TRDMT1: variants seen among roughly 807,000 people sequenced by gnomAD.
TRDMT1 encodes tRNA (cytosine(38)-C(5))-methyltransferase.
A neutral mutation model predicts 51.2 loss-of-function variants in TRDMT1; 49 were observed. That is an observed-to-expected ratio of 0.96 (90% CI 0.76 to 1.21). The LOEUF is 1.21. Among genes scored for constraint, TRDMT1 ranks in the 50% most tolerant of loss-of-function variants. The pLI, the probability that TRDMT1 is intolerant of heterozygous loss-of-function variation, is 0.00. For missense variants in TRDMT1, 534 were observed against 462.3 expected, an observed-to-expected ratio of 1.16 and a Z score of -1.42; for synonymous variants, 187 against 164.6, an observed-to-expected ratio of 1.14 and a Z score of -1.04.
rs1837708723 is a variant in TRDMT1, at chr10:17,141,720, T to C, written c.*7320A>G. ...CTATCTTCTGTCATTTCCTCTCTACTACTGATCTCAAGTTTAGCAAAAGAT... is the reference window on the plus strand; with the variant it reads ...CTATCTTCTGTCATTTCCTCTCTACCACTGATCTCAAGTTTAGCAAAAGAT... On this transcript the variant is annotated 3_prime_UTR_variant, in exon 11 of 11. Coordinates refer to ENST00000377799, the MANE Select transcript of TRDMT1 (RefSeq NM_004412.7). Among the ~76,000 whole-genome samples the C allele has an allele frequency of 6.6e-6, 1 of 152,200 alleles. No homozygotes were observed. Among genetic ancestry groups the C allele is most frequent in the African/African-American group, 2.4e-5 (1 of 41,448 alleles).
chr10:17,137,781 C>T lies in TRDMT1; in HGVS notation c.*11259G>A, dbSNP rs891829731. Among the ~76,000 whole-genome samples, 3 of 151,042 alleles carry T rather than the reference C, an allele frequency of 2.0e-5. No individual in the cohort carries two copies. The highest frequency in any genetic ancestry group is 4.4e-5 in the Non-Finnish European group (3 of 67,862). ...CCCAGGAGGTGGAGGTTGCAGCAAG[C>T]CGAGAGCCACTGCACTCCAGCCTGG... On this transcript the variant is annotated 3_prime_UTR_variant, in exon 11 of 11. Coordinates refer to ENST00000377799, the MANE Select transcript of TRDMT1 (RefSeq NM_004412.7).
At chr10:17,192,530 A>T (rs1292465345) in intron 1 of TRDMT1, among the ~76,000 whole-genome samples, 1 of 152,178 alleles carries the variant, frequency 6.6e-6, no homozygotes, top group Non-Finnish European at 1.5e-5. Context: ...TGCCCATCAG[A>T]CATTTCCGGA....
rs138305368 is a variant in TRDMT1 at position 17,137,949 on chromosome 10, T to C, written c.*11091A>G. On this transcript the variant is annotated 3_prime_UTR_variant, in exon 11 of 11. Transcript: ENST00000377799. The stretch of plus-strand genomic sequence containing the variant: ...GCCTTAAGTGGCAGGTTAAAGAATG[T>C]TGATTTAATCTTTTTAATAGGGGGA... 1.2e-4 allele frequency among the ~76,000 whole-genome samples: 19 copies of C among 152,330 alleles called. No individual in the cohort carries two copies. In the East Asian group the frequency reaches 3.7e-3, roughly 29 times the overall value.
intron 8 of TRDMT1, among the ~76,000 whole-genome samples, chr10:17,155,288 T>C (rs1839352695): frequency 6.6e-6 from 1 of 152,210 alleles, no homozygotes; most frequent in South Asian, 2.1e-4. Flanking sequence ...TAAACACCAC[T>C]GAATGATGAA....
chr10:17,139,112 G>T lies in TRDMT1; in HGVS notation c.*9928C>A. 2 of 932,448 alleles carry T rather than the reference G, an allele frequency of 2.1e-6. No homozygotes were observed. Among genetic ancestry groups the T allele is most frequent in the Non-Finnish European group, 1.3e-6 (1 of 781,416 alleles). The allele number at this position is 932,448 out of a possible 1,614,324, so 57.8% of individuals were successfully genotyped here. A position where few individuals can be genotyped will look rare whatever the true frequency, so the allele number is the denominator to read the frequency against. On this transcript the variant is annotated 3_prime_UTR_variant, in exon 11 of 11. Transcript: ENST00000377799. The stretch of plus-strand genomic sequence containing the variant: ...GAATGGGGACTTCAGCAGCTCCATT[G>T]GATTAATCCAAGCTTGGTTTCCAAG...
At position 17,138,331 on chromosome 10, in the gene TRDMT1, G is replaced by A. The variant is rs904574182; in HGVS notation, c.*10709C>T. ...TTAATTCATTCTCTTTTTCAGGGAC[G>A]TAACATTGCTTAAAAGATACATTTA... On this transcript the variant is annotated 3_prime_UTR_variant, in exon 11 of 11. Transcript: ENST00000377799. Among the ~76,000 whole-genome samples the A allele has an allele frequency of 5.3e-5, 8 of 152,174 alleles. No homozygotes were observed. The South Asian group carries it at 6.2e-4, about 12-fold the overall frequency.
intron 1 of TRDMT1, among the ~76,000 whole-genome samples, chr10:17,196,360 G>C (rs1845429270): frequency 6.6e-6 from 1 of 152,180 alleles, no homozygotes; most frequent in African/African-American, 2.4e-5. Context: ...CATCCAGCTA[G>C]AGCTTTCCTT....
intron 10 of TRDMT1, 66 bp downstream of exon 10, chr10:17,153,441 C>G: frequency 1.9e-6 from 3 of 1,585,620 alleles, no homozygotes; most frequent in Non-Finnish European, 2.6e-6. Flanking sequence ...CCTAGACACA[C>G]AAGTCCCTAA....
chr10:17,181,661 T>A (rs1003836796), intron 1 of TRDMT1, among the ~76,000 whole-genome samples: 1 of 116,968 alleles, frequency 8.5e-6, no homozygotes, highest in South Asian at 3.2e-4. Flanking sequence ...TTTTAAGTAA[T>A]TGTTTGACAT....
At position 17,174,668 on chromosome 10, in the gene TRDMT1, G is replaced by A. The variant is rs746253129; in HGVS notation, c.65-8C>T. On this transcript the variant is annotated splice_region_variant and splice_polypyrimidine_tract_variant and intron_variant, in intron 1 of 10. Coordinates refer to ENST00000377799, the MANE Select transcript of TRDMT1 (RefSeq NM_004412.7). ...GTGCAGGTATACAGCTTTCTGTAAT[G>A]ATAAATGGAGTATCTTGAAAAGAAA... 2.5e-6 allele frequency: 4 copies of A among 1,592,690 alleles called. No individual in the cohort carries two copies. Among genetic ancestry groups the A allele is most frequent in the Non-Finnish European group, 3.4e-6 (4 of 1,162,314 alleles).
At chr10:17,183,728 T>C (rs1362770726) in intron 1 of TRDMT1, among the ~76,000 whole-genome samples, 1 of 151,590 alleles carries the variant, frequency 6.6e-6, no homozygotes, top group Non-Finnish European at 1.5e-5. Context: ...GAATGTACTA[T>C]TTTTATAATT....
At chr10:17,167,080 T>A (rs1210808944) in intron 3 of TRDMT1, among the ~76,000 whole-genome samples, 2 of 152,240 alleles carry the variant, frequency 1.3e-5, no homozygotes, top group Admixed American at 6.5e-5. Flanking sequence ...GCTTATAAGA[T>A]AATTTAAGAT....
At position 17,150,401 on chromosome 10, in the gene TRDMT1, C is replaced by T. The variant is rs866379227; in HGVS notation, c.1076-1261G>A. On this transcript the variant is annotated intron_variant, in intron 10 of 10. Coordinates refer to ENST00000377799, the MANE Select transcript of TRDMT1 (RefSeq NM_004412.7). ...AGTACCCCACGGGTGTTTTTACACT[C>T]TGCTTCCACAAATTGCCTTTCTCAT... is the stretch of plus-strand genomic sequence containing the variant. 5.1e-6 allele frequency: 5 copies of T among 985,230 alleles called. No homozygotes were observed. The South Asian group carries it at 1.9e-4, about 37-fold the overall frequency. 61.0% of individuals were successfully genotyped at this position (985,230 alleles called of 1,614,324 possible).
At chr10:17,189,292 C>T (rs1449009066) in intron 1 of TRDMT1, among the ~76,000 whole-genome samples, 1 of 152,058 alleles carries the variant, frequency 6.6e-6, no homozygotes, top group Admixed American at 6.6e-5. Context: ...TTTGAATTTA[C>T]AGTCATGAAG....
intron 5 of TRDMT1, 76 bp from the exon 6 acceptor site, chr10:17,160,450 G>A: frequency 2.0e-6 from 2 of 1,013,698 alleles, no homozygotes; most frequent in Non-Finnish European, 2.8e-6. Context: ...ACAAAAGCTG[G>A]GTTTCTTTTG....
rs995591988 is a variant in TRDMT1, at chr10:17,174,542, A to G, written c.174+9T>C. Reference sequence around the variant, plus strand: ...CTACATACTTATTAAAACAATGACAATTACTCACTTCAATCGTCTTGGCAA... The same window carrying G: ...CTACATACTTATTAAAACAATGACAGTTACTCACTTCAATCGTCTTGGCAA... On this transcript the variant is annotated intron_variant, in intron 2 of 10. Coordinates refer to ENST00000377799, the MANE Select transcript of TRDMT1 (RefSeq NM_004412.7). 1.9e-6 allele frequency: 3 copies of G among 1,565,794 alleles called. No individual in the cohort carries two copies. The highest frequency in any genetic ancestry group is 2.6e-6 in the Non-Finnish European group (3 of 1,136,034).
At position 17,157,431 on chromosome 10, in the gene TRDMT1, T is replaced by TA; in HGVS notation, c.887+9dup. 1.3e-6 allele frequency: 2 copies of TA among 1,580,446 alleles called. No individual in the cohort carries two copies. The highest frequency in any genetic ancestry group is 1.7e-6 in the Non-Finnish European group (2 of 1,160,654). On this transcript the variant is annotated intron_variant, in intron 8 of 10. Transcript: ENST00000377799. ...TTTGGATACAGGATCAATAGATCTT[T>TA]AAAACCTACCCTTTGGTAAAGCACA...
intron 3 of TRDMT1, among the ~76,000 whole-genome samples, chr10:17,162,857 T>TA (rs1018847857): frequency 2.6e-5 from 4 of 152,134 alleles, no homozygotes; most frequent in African/African-American, 7.2e-5. Flanking sequence ...ACAAATGACT[T>TA]ACATTAATCA....
chr10:17,190,852 GGA>G (rs1168580457), intron 1 of TRDMT1, among the ~76,000 whole-genome samples: 2 of 152,186 alleles, frequency 1.3e-5, no homozygotes, highest in African/African-American at 4.8e-5. Context: ...ACATTCTAGA[GGA>G]GAGAGACAGA....
Sources: allele counts gnomAD v4.1 joint callset (sites outside exome capture counted in the v4.1 genomes callset), GRCh38; gene constraint gnomAD v4.1.1; transcripts MANE v1.5; gene names NCBI Gene and HGNC (gene_info 2026-07-23, HGNC 2026-07-21).